The following PTK2 variants were observed in gnomAD, a reference collection of about 807,000 sequenced individuals.
PTK2 encodes the protein focal adhesion kinase 1.
In PTK2, 45 loss-of-function variants were observed where a neutral mutation model predicts 150.1. The observed-to-expected ratio is 0.30, with a 90% CI of 0.24 to 0.38. The LOEUF is 0.38. Among genes scored for constraint, PTK2 ranks in the 10% least tolerant of loss-of-function variants. PTK2 has a pLI of 1.00. For synonymous variants in PTK2, 432 were observed against 449.2 expected (o/e 0.96, Z 0.48); for missense variants, 919 against 1,307.3 (o/e 0.70, Z 4.58).
intron 22 of PTK2, among the ~76,000 whole-genome samples, chr8:140,719,559 T>C (rs1592037962): frequency 6.6e-6 from 1 of 152,166 alleles, no homozygotes; most frequent in Admixed American, 6.5e-5. Flanking sequence ...AGGGAGATCA[T>C]GGCTATGAGA....
intron 1 of PTK2, among the ~76,000 whole-genome samples, chr8:140,967,461 CTTTTTTTTTTT>C (rs137959476): frequency 8.2e-6 from 1 of 121,544 alleles, no homozygotes; most frequent in Non-Finnish European, 1.8e-5. Flanking sequence ...TTCTTTCTTT[CTTTTTTTTTTT>C]TTTTTTGAGA....
chr8:140,988,766 C>T (rs1338799628), intron 1 of PTK2, among the ~76,000 whole-genome samples: 2 of 145,622 alleles, frequency 1.4e-5, no homozygotes, highest in Non-Finnish European at 3.0e-5. Context: ...CACACGTATA[C>T]GGACAAGTGA....
At chr8:140,978,596 A>C (rs2100190199) in intron 1 of PTK2, among the ~76,000 whole-genome samples, 1 of 151,378 alleles carries the variant, frequency 6.6e-6, no homozygotes, top group Non-Finnish European at 1.5e-5. Context: ...GCAATCATTA[A>C]AAAGTCAGGA....
intron 31 of PTK2, among the ~76,000 whole-genome samples, chr8:140,663,549 A>G (rs1304331967): frequency 6.6e-6 from 1 of 152,226 alleles, no homozygotes; most frequent in Admixed American, 6.5e-5. Flanking sequence ...CCTAGGCTCA[A>G]AGACACTAAA....
chr8:140,841,492 C>T (rs2100122334), intron 7 of PTK2, among the ~76,000 whole-genome samples: 1 of 152,000 alleles, frequency 6.6e-6, no homozygotes, highest in Admixed American at 6.5e-5. Context: ...GAAATGAATA[C>T]ACAAAAGTTT....
intron 24 of PTK2, among the ~76,000 whole-genome samples, chr8:140,703,473 T>C (rs1229887894): frequency 6.6e-6 from 1 of 152,072 alleles, no homozygotes; most frequent in African/African-American, 2.4e-5. Context: ...GAATTTCACA[T>C]TTACTAAAAT....
At chr8:140,727,729 A>G (rs917445964) in intron 22 of PTK2, among the ~76,000 whole-genome samples, 6 of 152,200 alleles carry the variant, frequency 3.9e-5, no homozygotes, top group Non-Finnish European at 2.9e-5. Context: ...TTTAAAATTC[A>G]TATCTCTATA....
chr8:140,722,272 C>T (rs1310079162), intron 22 of PTK2, among the ~76,000 whole-genome samples: 3 of 152,092 alleles, frequency 2.0e-5, no homozygotes, highest in African/African-American at 7.2e-5. Flanking sequence ...TGTGCCTGGC[C>T]AATTTCTTTT....
At chr8:140,751,711 C>G (rs2100062803) in intron 17 of PTK2, among the ~76,000 whole-genome samples, 1 of 152,092 alleles carries the variant, frequency 6.6e-6, no homozygotes, top group Non-Finnish European at 1.5e-5. Context: ...AGACTGGTCT[C>G]AAACTCCTGA....
At chr8:140,904,444 C>G (rs1010035708) in intron 2 of PTK2, among the ~76,000 whole-genome samples, 1 of 152,074 alleles carries the variant, frequency 6.6e-6, no homozygotes, top group Non-Finnish European at 1.5e-5. Flanking sequence ...TCAGGCATAT[C>G]GGCCTGAAAT....
chr8:140,700,487 G>C (rs2100029595), intron 26 of PTK2, among the ~76,000 whole-genome samples: 1 of 140,340 alleles, frequency 7.1e-6, no homozygotes, highest in Non-Finnish European at 1.6e-5. Flanking sequence ...ATTTCAAGTA[G>C]TTTTTTTTTT....
At chr8:140,714,125 T>C (rs1256424643) in intron 23 of PTK2, among the ~76,000 whole-genome samples, 1 of 152,168 alleles carries the variant, frequency 6.6e-6, no homozygotes, top group Non-Finnish European at 1.5e-5. Context: ...TGGGCTCAAG[T>C]GATCCCCCTA....
intron 22 of PTK2, among the ~76,000 whole-genome samples, chr8:140,729,330 C>T (rs375449151): frequency 1.4e-4 from 22 of 152,338 alleles, no homozygotes; most frequent in African/African-American, 5.1e-4. Context: ...TCCCAGCAGG[C>T]TCTCTGGATG....
At chr8:140,975,702 T>G (rs1034755323) in intron 1 of PTK2, among the ~76,000 whole-genome samples, 1 of 152,166 alleles carries the variant, frequency 6.6e-6, no homozygotes, top group African/African-American at 2.4e-5. Flanking sequence ...CTCTCCGGCC[T>G]TTAAGAGGGG....
At chr8:140,934,474 T>C (rs539227918) in intron 1 of PTK2, 1 of 152,278 alleles carries the variant, frequency 6.6e-6, no homozygotes, top group East Asian at 1.9e-4. Context: ...TCCATTCTCC[T>C]AGCTGCTAAT....
chr8:140,712,581 C>CT (rs891855840), intron 23 of PTK2, among the ~76,000 whole-genome samples: 1 of 152,118 alleles, frequency 6.6e-6, no homozygotes, highest in Admixed American at 6.5e-5. Flanking sequence ...AAAAAATCCA[C>CT]TATTTATCTT....
At chr8:140,668,472 T>G in intron 29 of PTK2, 48 bp from the exon 34 acceptor site, 2 of 1,560,512 alleles carry the variant, frequency 1.3e-6, no homozygotes, top group South Asian at 2.5e-5. Flanking sequence ...GCAGATGGCG[T>G]GAGATCACCA....
intron 5 of PTK2, among the ~76,000 whole-genome samples, chr8:140,848,369 C>G (rs954902699): frequency 6.6e-5 from 10 of 152,208 alleles, no homozygotes; most frequent in Non-Finnish European, 5.9e-5. Context: ...TATTACTGAT[C>G]TAAGGACTAT....
At position 140,706,206 on chromosome 8, in the gene PTK2, C is replaced by A; in HGVS notation, c.2143-1G>T. ...GACTGGGATAACCCGGTCTGCTGGG[C>A]TGTAAAATCAAGAGAGCATCATATG... is the stretch of plus-strand genomic sequence containing the variant. On this transcript the variant is annotated splice_acceptor_variant, in intron 23 of 31. Coordinates refer to ENST00000522684, the Ensembl canonical transcript of PTK2. LOFTEE classifies it high-confidence loss of function. The A allele has an allele frequency of 6.2e-7, 1 of 1,610,554 alleles. No individual in the cohort carries two copies. The highest frequency in any genetic ancestry group is 8.5e-7 in the Non-Finnish European group (1 of 1,177,022).
Sources: allele counts gnomAD v4.1 joint callset (sites outside exome capture counted in the v4.1 genomes callset), GRCh38; gene constraint gnomAD v4.1.1; transcripts MANE v1.5; gene names NCBI Gene and HGNC (gene_info 2026-07-23, HGNC 2026-07-21).